MOB4: variants seen among roughly 807,000 people sequenced by gnomAD.
The protein encoded by MOB4 is MOB family member 4, phocein.
Under a neutral mutation model 32.2 loss-of-function variants are expected in MOB4, and 4 were observed. The ratio of observed to expected loss-of-function variants is 0.12; its 90% CI spans 0.06 to 0.28. The LOEUF (loss-of-function observed/expected upper bound fraction) is 0.28, where lower values mean the gene tolerates loss of function less well. Ranked by LOEUF, MOB4 falls within the 10% of genes least tolerant of loss-of-function variation. The probability of loss-of-function intolerance (pLI) is 1.00; values close to 1 mark genes in which losing one functional copy is unlikely to be tolerated. For synonymous variants in MOB4, 88 were observed against 88.1 expected, an observed-to-expected ratio of 1.00 and a Z score of 0.01; for missense variants, 158 against 271.2, an observed-to-expected ratio of 0.58 and a Z score of 2.93.
At chr2:197,526,598 G>A (rs772357809) in intron 2 of MOB4, among the ~76,000 whole-genome samples, 2 of 152,218 alleles carry the variant, frequency 1.3e-5, no homozygotes, top group Non-Finnish European at 2.9e-5. Context: ...TTACAGGTGT[G>A]AGCCGTCACG....
intron 6 of MOB4, among the ~76,000 whole-genome samples, chr2:197,549,925 A>G (rs2087069467): frequency 6.6e-6 from 1 of 152,064 alleles, no homozygotes; most frequent in South Asian, 2.1e-4. Flanking sequence ...ATAAAACAAT[A>G]ATTCCTTTCA....
At chr2:197,516,750 G>T in intron 1 of MOB4, 1 of 471,440 alleles carries the variant, frequency 2.1e-6, no homozygotes, top group Non-Finnish European at 4.4e-6. Flanking sequence ...GTTGTGACTT[G>T]TTAGATGTCA....
chr2:197,533,887 G>A, intron 2 of MOB4: 1 of 642,378 alleles, frequency 1.6e-6, no homozygotes, highest in Non-Finnish European at 2.9e-6. Flanking sequence ...ATTCCCCAGT[G>A]GATTCAGATG....
chr2:197,521,729 A>G (rs957704884), intron 1 of MOB4, among the ~76,000 whole-genome samples: 13 of 152,222 alleles, frequency 8.5e-5, no homozygotes, highest in Non-Finnish European at 1.5e-5. Flanking sequence ...TGCTTTTGAA[A>G]GAAGAGAAAT....
rs1574655720 is a variant in MOB4 at position 197,548,255 on chromosome 2, T to G, written c.355-81T>G. 8 of 1,191,516 alleles carry G rather than the reference T, an allele frequency of 6.7e-6. No individual in the cohort carries two copies. In the East Asian group the frequency reaches 2.1e-4, roughly 31 times the overall value. 73.8% of individuals were successfully genotyped at this position (1,191,516 alleles called of 1,614,324 possible). A position where few individuals can be genotyped will look rare whatever the true frequency, so the allele number is the denominator to read the frequency against. ...TTAGAACATGCTCATGTCTTTGGAA[T>G]AAGGTATACCCATATAATGAATATA... On this transcript the variant is annotated intron_variant, in intron 5 of 7. Coordinates refer to ENST00000323303, the MANE Select transcript of MOB4 (RefSeq NM_015387.5).
At position 197,516,142 on chromosome 2, in the gene MOB4, C is replaced by G. The variant is rs766257338; in HGVS notation, c.56C>G (p.Ala19Gly). The G allele has an allele frequency of 6.2e-7, 1 of 1,602,756 alleles. No individual in the cohort carries two copies. Among genetic ancestry groups the G allele is most frequent in the Non-Finnish European group, 8.5e-7 (1 of 1,175,858 alleles). ...AGGCGGAACAGGCCGGGCACCAAGGCGCAGGTACCATGTCTGCACTTTTCT... is the reference window on the plus strand; with the variant it reads ...AGGCGGAACAGGCCGGGCACCAAGGGGCAGGTACCATGTCTGCACTTTTCT... Reference protein sequence around the residue: ...VLRRNRPGTKAQDFYNWPDES... With the variant: ...VLRRNRPGTKGQDFYNWPDES... The change falls in exon 1 of 8, where the codon GCG becomes GGG. Residue 19 changes from alanine to glycine, a missense_variant. Ala to Gly is a moderately conservative substitution (Grantham distance 60). Around this residue, in one of 6 missense-constraint regions of MOB4, gnomAD observed 41 missense variants for 26.4 expected, o/e 1.55. Coordinates refer to ENST00000323303, the MANE Select transcript of MOB4 (RefSeq NM_015387.5).
intron 2 of MOB4, among the ~76,000 whole-genome samples, chr2:197,529,922 G>A (rs1229779367): frequency 6.6e-6 from 1 of 152,090 alleles, no homozygotes; most frequent in Non-Finnish European, 1.5e-5. Flanking sequence ...AAATTGCTGG[G>A]ATTACAGGCG....
intron 3 of MOB4, among the ~76,000 whole-genome samples, chr2:197,539,184 A>T (rs972412456): frequency 1.3e-5 from 2 of 152,162 alleles, no homozygotes; most frequent in African/African-American, 2.4e-5. Context: ...TGAACTAAAT[A>T]TTAATAGGTA....
At chr2:197,521,126 C>T (rs900663217) in intron 1 of MOB4, among the ~76,000 whole-genome samples, 3 of 151,972 alleles carry the variant, frequency 2.0e-5, no homozygotes, top group Non-Finnish European at 4.4e-5. Flanking sequence ...GGAACCTGCC[C>T]CGATAGTCAC....
chr2:197,516,062 C>T, upstream of MOB4: 1 of 1,570,590 alleles, frequency 6.4e-7, no homozygotes, highest in Non-Finnish European at 8.6e-7. Flanking sequence ...CGGGTACCGA[C>T]TCCAGCCGCC....
intron 2 of MOB4, among the ~76,000 whole-genome samples, chr2:197,525,021 GT>G (rs1253570433): frequency 2.0e-5 from 3 of 152,126 alleles, no homozygotes; most frequent in Non-Finnish European, 4.4e-5. Flanking sequence ...AATCGAGGCT[GT>G]TTGGCTTCAT....
At chr2:197,549,478 G>A (rs2106140583) in intron 6 of MOB4, among the ~76,000 whole-genome samples, 1 of 152,122 alleles carries the variant, frequency 6.6e-6, no homozygotes, top group African/African-American at 2.4e-5. Context: ...AATATTCTGT[G>A]TATACATATT....
intron 1 of MOB4, among the ~76,000 whole-genome samples, chr2:197,521,602 AC>A (rs2086520172): frequency 6.6e-6 from 1 of 152,170 alleles, no homozygotes; most frequent in African/African-American, 2.4e-5. Flanking sequence ...TACAGTTTCG[AC>A]CATAGAAGAC....
rs2087097803 is a variant in MOB4 at position 197,551,530 on chromosome 2, C to G, written c.*884C>G. On this transcript the variant is annotated 3_prime_UTR_variant, in exon 8 of 8. Transcript: ENST00000323303. ...TGTATTTGCATAGGCTCTTGCTTAT[C>G]TTTGTTTTGCAAAATTGTTCTACTT... 6.5e-6 allele frequency: 1 copy of G among 152,712 alleles called. No individual in the cohort carries two copies. The highest frequency in any genetic ancestry group is 2.1e-4 in the South Asian group (1 of 4,830). The allele number at this position is 152,712 out of a possible 1,614,324, so 9.5% of individuals were successfully genotyped here.
intron 2 of MOB4, among the ~76,000 whole-genome samples, chr2:197,524,553 A>G (rs1294976526): frequency 6.6e-6 from 1 of 151,630 alleles, no homozygotes; most frequent in East Asian, 1.9e-4. Context: ...AAAAACAAAA[A>G]CAAAAACAAA....
At chr2:197,524,797 G>T (rs1194437812) in intron 2 of MOB4, among the ~76,000 whole-genome samples, 7 of 151,358 alleles carry the variant, frequency 4.6e-5, no homozygotes, top group Non-Finnish European at 8.8e-5. Context: ...TTTAGACGGG[G>T]TCTCACCCTG....
chr2:197,523,714 G>A, intron 2 of MOB4, 28 bp downstream of exon 2: 1 of 1,589,114 alleles, frequency 6.3e-7, no homozygotes, highest in Non-Finnish European at 8.5e-7. Context: ...TTTTCACCCT[G>A]TGTCTTTTGG....
intron 2 of MOB4, among the ~76,000 whole-genome samples, chr2:197,532,838 G>A (rs1315082524): frequency 1.3e-5 from 2 of 151,982 alleles, no homozygotes; most frequent in Admixed American, 6.6e-5. Flanking sequence ...GGTGGCTCAC[G>A]CTGTAATCCC....
chr2:197,535,441 C>A, intron 2 of MOB4, 89 bp from the exon 3 acceptor site: 2 of 1,209,192 alleles, frequency 1.7e-6, no homozygotes, highest in South Asian at 1.8e-5. Context: ...ACCACAAGAG[C>A]AGTTATGTAT....
Sources: allele counts gnomAD v4.1 joint callset (sites outside exome capture counted in the v4.1 genomes callset), GRCh38; gene constraint gnomAD v4.1.1; regional missense constraint gnomAD v4.1.1; transcripts MANE v1.5; gene names NCBI Gene and HGNC (gene_info 2026-07-23, HGNC 2026-07-21).